Variants in PTPRG observed in about 807,000 individuals in gnomAD.
The protein encoded by PTPRG is protein tyrosine phosphatase receptor type G.
A neutral mutation model predicts 165.3 loss-of-function variants in PTPRG; 102 were observed. That is an observed-to-expected ratio of 0.62 (90% CI 0.53 to 0.73). The LOEUF (loss-of-function observed/expected upper bound fraction) is 0.73. PTPRG is among the 30% of genes least tolerant of loss of function. The pLI is 0.00. For missense variants in PTPRG, 1,866 were observed against 1,861.4 expected (o/e 1.00, Z -0.05); for synonymous variants, 675 against 669.5 (o/e 1.01, Z -0.13).
chr3:61,859,851 C>T (rs1007823785), intron 2 of PTPRG, among the ~76,000 whole-genome samples: 1 of 152,110 alleles, frequency 6.6e-6, no homozygotes, highest in Non-Finnish European at 1.5e-5. Flanking sequence ...TGTTTTTCTT[C>T]CGCATTACAA....
intron 1 of PTPRG, among the ~76,000 whole-genome samples, chr3:61,672,417 C>T (rs1410781515): frequency 3.7e-5 from 5 of 136,142 alleles, no homozygotes; most frequent in African/African-American, 1.4e-4. Context: ...CACTGCACTC[C>T]AGCCTGGGCA....
At chr3:61,941,548 A>AG in intron 2 of PTPRG, among the ~76,000 whole-genome samples, 1 of 152,254 alleles carries the variant, frequency 6.6e-6, no homozygotes, top group East Asian at 1.9e-4. Context: ...TCTTGAACCC[A>AG]GGAGGCGGAG....
intron 2 of PTPRG, among the ~76,000 whole-genome samples, chr3:61,821,183 TTTTTGAGACCGAGTCTGGC>T (rs1386953132): frequency 1.3e-5 from 2 of 152,106 alleles, no homozygotes; most frequent in Non-Finnish European, 2.9e-5. Context: ...TTTCTTTTTT[TTTTTGAGACCGAGTCTGGC>T]TCTGTTGCCC....
At chr3:61,659,050 C>T (rs568797036) in intron 1 of PTPRG, among the ~76,000 whole-genome samples, 109 of 152,170 alleles carry the variant, frequency 7.2e-4, no homozygotes, top group Admixed American at 2.6e-3. Context: ...TGCCCCTGCC[C>T]CTGCCCCTGC....
intron 1 of PTPRG, among the ~76,000 whole-genome samples, chr3:61,610,749 GCCTCCCTCCCTCCCTCCCTC>G (rs10662046): frequency 1.0e-5 from 1 of 98,604 alleles, no homozygotes; most frequent in African/African-American, 4.4e-5. Context: ...CTGCCTCCCT[GCCTCCCTCCCTCCCTCCCTC>G]CCTACCTCCC....
intron 4 of PTPRG, among the ~76,000 whole-genome samples, chr3:62,014,268 C>G (rs1392428148): frequency 6.6e-6 from 1 of 152,128 alleles, no homozygotes; most frequent in Non-Finnish European, 1.5e-5. Context: ...TCAAAAGCTT[C>G]TCAGTCCGGA....
intron 2 of PTPRG, among the ~76,000 whole-genome samples, chr3:61,913,435 G>C (rs2038852968): frequency 6.6e-6 from 1 of 152,126 alleles, no homozygotes; most frequent in Non-Finnish European, 1.5e-5. Flanking sequence ...TAGCCAGGAT[G>C]GTTTCAATCT....
At chr3:61,866,717 G>T (rs1193147183) in intron 2 of PTPRG, among the ~76,000 whole-genome samples, 3 of 146,852 alleles carry the variant, frequency 2.0e-5, no homozygotes, top group Non-Finnish European at 3.0e-5. Flanking sequence ...TCCTGCCTCC[G>T]CCTCTGGAGT....
chr3:62,017,041 T>A (rs1384242449), intron 4 of PTPRG, among the ~76,000 whole-genome samples: 1 of 152,172 alleles, frequency 6.6e-6, no homozygotes, highest in Non-Finnish European at 1.5e-5. Flanking sequence ...CTCACCCCCG[T>A]ATACTGCATG....
At chr3:61,892,544 C>T (rs527443878) in intron 2 of PTPRG, among the ~76,000 whole-genome samples, 42 of 152,074 alleles carry the variant, frequency 2.8e-4, no homozygotes, top group Non-Finnish European at 5.4e-4. Context: ...GGGTCAGGCG[C>T]GGTGGCTCAT....
At chr3:62,090,117 C>T (rs556989767) in intron 5 of PTPRG, among the ~76,000 whole-genome samples, 44 of 152,304 alleles carry the variant, frequency 2.9e-4, no homozygotes, top group African/African-American at 9.9e-4. Context: ...GTTTGCACCA[C>T]ATATAATAAA....
intron 4 of PTPRG, among the ~76,000 whole-genome samples, chr3:62,019,625 A>G (rs1050501445): frequency 3.9e-5 from 6 of 152,162 alleles, no homozygotes; most frequent in African/African-American, 1.4e-4. Context: ...AAAATTGCTA[A>G]GAGAATAGGT....
intron 2 of PTPRG, among the ~76,000 whole-genome samples, chr3:61,757,649 G>T (rs2033674900): frequency 1.3e-5 from 2 of 152,106 alleles, no homozygotes; most frequent in Non-Finnish European, 2.9e-5. Context: ...CCCAGCCAAA[G>T]ATAAGGTCAA....
At chr3:61,578,617 T>C (rs1182886028) in intron 1 of PTPRG, among the ~76,000 whole-genome samples, 3 of 152,236 alleles carry the variant, frequency 2.0e-5, no homozygotes, top group African/African-American at 7.2e-5. Flanking sequence ...AGCCTGCTAC[T>C]TAATTTGGAA....
intron 7 of PTPRG, among the ~76,000 whole-genome samples, chr3:62,166,197 C>CTTTTTTTTTTTTTTTTTTT (rs564761041): frequency 1.9e-5 from 1 of 53,932 alleles, no homozygotes; most frequent in Non-Finnish European, 3.4e-5. Flanking sequence ...AATTACAGTT[C>CTTTTTTTTTTTTTTTTTTT]TTTTTTTTTT....
chr3:62,037,388 G>A (rs1485218573), intron 4 of PTPRG, among the ~76,000 whole-genome samples: 1 of 152,134 alleles, frequency 6.6e-6, no homozygotes, highest in Non-Finnish European at 1.5e-5. Flanking sequence ...CCCTGCCCCT[G>A]TGTTCTTTGC....
chr3:62,163,177 T>C (rs1235509402), intron 7 of PTPRG, among the ~76,000 whole-genome samples: 1 of 152,038 alleles, frequency 6.6e-6, no homozygotes, highest in East Asian at 1.9e-4. Context: ...ACCAGGCCCC[T>C]CCTCCAGCAT....
chr3:62,281,537 G>GGTTTTTTTTTTTTTTTTTTTTTTTTTTT lies in PTPRG; in HGVS notation c.3766-26_3766-25insGTTTTTTTTTTTTTTTTTTTTTTTTTTT, dbSNP rs778994257. On this transcript the variant is annotated intron_variant, in intron 26 of 29. Coordinates refer to ENST00000474889, the MANE Select transcript of PTPRG (RefSeq NM_002841.4). Reference sequence around the variant, plus strand: ...ACAAATCCTTGACAGAACTGCAGAGGCTTTTTTTTTTTTTGGATTCCAAAG... The same window carrying GGTTTTTTTTTTTTTTTTTTTTTTTTTTT: ...ACAAATCCTTGACAGAACTGCAGAGGGTTTTTTTTTTTTTTTTTTTTTTTTTTTCTTTTTTTTTTTTTGGATTCCAAAG... The GGTTTTTTTTTTTTTTTTTTTTTTTTTTT allele has an allele frequency of 3.4e-5, 6 of 175,042 alleles. 2 individuals are homozygous for GGTTTTTTTTTTTTTTTTTTTTTTTTTTT. Among genetic ancestry groups the GGTTTTTTTTTTTTTTTTTTTTTTTTTTT allele is most frequent in the African/African-American group, 1.3e-4 (1 of 7,764 alleles). 10.8% of individuals were successfully genotyped at this position (175,042 alleles called of 1,614,324 possible). A position where few individuals can be genotyped will look rare whatever the true frequency, so the allele number is the denominator to read the frequency against.
intron 1 of PTPRG, among the ~76,000 whole-genome samples, chr3:61,564,060 G>A (rs1387082007): frequency 6.6e-6 from 1 of 152,192 alleles, no homozygotes; most frequent in Non-Finnish European, 1.5e-5. Flanking sequence ...TGGGGCCTGG[G>A]GTTTGCCCAC....
Sources: allele counts gnomAD v4.1 joint callset (sites outside exome capture counted in the v4.1 genomes callset), GRCh38; gene constraint gnomAD v4.1.1; transcripts MANE v1.5; gene names NCBI Gene and HGNC (gene_info 2026-07-23, HGNC 2026-07-21).